Variants in TBRG4 observed in about 807,000 individuals in gnomAD.
TBRG4 encodes the protein FAST kinase domain-containing protein 4.
A neutral mutation model predicts 65.6 loss-of-function variants in TBRG4; 43 were observed. The observed-to-expected ratio is 0.66, with a 90% confidence interval of 0.51 to 0.85. The LOEUF is 0.85. Ranked by LOEUF, TBRG4 falls within the 40% of genes least tolerant of loss-of-function variation. TBRG4 has a pLI of 0.00. For synonymous variants in TBRG4, 366 were observed against 341.4 expected (o/e 1.07, Z -0.79); for missense variants, 709 against 787.9 (o/e 0.90, Z 1.20).
chr7:45,106,289 G>T, intron 2 of TBRG4: 1 of 315,980 alleles, frequency 3.2e-6, no homozygotes, highest in South Asian at 2.6e-5. Flanking sequence ...ATGAAGTTTT[G>T]ACCTAATGTA....
chr7:45,103,662 T>C (rs1784842165), intron 5 of TBRG4: 4 of 570,344 alleles, frequency 7.0e-6, no homozygotes, highest in Non-Finnish European at 6.2e-6. Context: ...TGGGGACACC[T>C]AGAAGCTGCT....
chr7:45,102,321 A>C (rs997622705), intron 7 of TBRG4, 26 bp downstream of exon 7: 3 of 1,613,608 alleles, frequency 1.9e-6, no homozygotes. Flanking sequence ...TCCCAGTTCC[A>C]GTAGTACTAG....
chr7:45,103,250 G>T, intron 6 of TBRG4, 83 bp downstream of exon 6: 2 of 1,154,794 alleles, frequency 1.7e-6, no homozygotes, highest in South Asian at 1.3e-5. Flanking sequence ...CACCTAGCCC[G>T]AGCTGATCTT....
rs1367738284 is a variant in TBRG4 at position 45,105,697 on chromosome 7, T to A, written c.479A>T (p.Lys160Met). Residue 160 changes from lysine (K) to methionine (M), a missense_variant, in exon 3 of 11, where the codon AAG becomes ATG. Physicochemically the swap from Lys to Met is moderately conservative, Grantham distance 95 (BLOSUM62 -1). Coordinates refer to ENST00000258770, the MANE Select transcript of TBRG4 (RefSeq NM_004749.4). ...LGSLYALGIP[K>M]ASKELQSVEQ... ...CACCGACTGCAGCTCCTTGGAGGCC[T>A]TGGGGATGCCCAGAGCATACAGGCT... is the stretch of plus-strand genomic sequence containing the variant. 3.1e-6 allele frequency: 5 copies of A among 1,613,896 alleles called. No homozygotes were observed. Among genetic ancestry groups the A allele is most frequent in the Non-Finnish European group, 4.2e-6 (5 of 1,180,046 alleles).
intron 2 of TBRG4, 62 bp from the exon 3 acceptor site, chr7:45,105,826 A>G: frequency 6.5e-7 from 1 of 1,536,226 alleles, no homozygotes; most frequent in Non-Finnish European, 8.8e-7. Context: ...TGTGAGCTGG[A>G]GGCTACCTCT....
At chr7:45,107,885 G>C (rs747746903) in intron 2 of TBRG4, 5 of 152,538 alleles carry the variant, frequency 3.3e-5, no homozygotes, top group Admixed American at 2.6e-4. Flanking sequence ...TCCCCAGCAA[G>C]AAATAATTAT....
In TBRG4 at chr7:45,102,489, T is replaced by C. The variant is rs1784799600; in HGVS notation, c.1179A>G (p.Val393=). The change falls in exon 7 of 11, where the codon GTA becomes GTG. Residue 393 remains valine (V), a splice_region_variant and synonymous_variant. Transcript: ENST00000258770. ...GCAGCTCTGACCCCAGCTTCTCATG[T>C]ACCTGGGCAAGGATAGAGTGTGGTG... ...PDQEDQFFSL[V]HEKLGSELPG... is the part of the protein sequence containing the mutation. 1 of 1,609,236 alleles carries C rather than the reference T, an allele frequency of 6.2e-7. No individual in the cohort carries two copies. Among genetic ancestry groups the C allele is most frequent in the Non-Finnish European group, 8.5e-7 (1 of 1,179,830 alleles).
intron 1 of TBRG4, among the ~76,000 whole-genome samples, chr7:45,109,748 G>A (rs996293466): frequency 6.6e-6 from 1 of 151,890 alleles, no homozygotes; most frequent in African/African-American, 2.4e-5. Context: ...AGGCCTAGGC[G>A]GGTGGATCAC....
chr7:45,100,433 G>A lies in TBRG4; in HGVS notation c.1795-7C>T. On this transcript the variant is annotated splice_polypyrimidine_tract_variant and splice_region_variant and intron_variant, in intron 10 of 10. Coordinates refer to ENST00000258770, the MANE Select transcript of TBRG4 (RefSeq NM_004749.4). ...GCCACTCATAGAATGGGACCTAGAA[G>A]GAGGCAGGGGAGACAGGTCACATGG... The A allele has an allele frequency of 6.2e-7, 1 of 1,610,882 alleles. No individual in the cohort carries two copies. The highest frequency in any genetic ancestry group is 8.5e-7 in the Non-Finnish European group (1 of 1,177,156).
At position 45,101,168 on chromosome 7, in the gene TBRG4, T is replaced by C; in HGVS notation, c.1794+90A>G. ...GGGCCACGGGCAGGGCATGTGTCTATACCTGCTGGCTCAGTTCCACCTGAT... is the reference window on the plus strand; with the variant it reads ...GGGCCACGGGCAGGGCATGTGTCTACACCTGCTGGCTCAGTTCCACCTGAT... On this transcript the variant is annotated intron_variant, in intron 10 of 10. Transcript: ENST00000258770. 3.0e-6 allele frequency: 4 copies of C among 1,330,268 alleles called. No homozygotes were observed. The South Asian group carries it at 5.3e-5, about 18-fold the overall frequency. 82.4% of individuals were successfully genotyped at this position (1,330,268 alleles called of 1,614,324 possible). A position where few individuals can be genotyped will look rare whatever the true frequency, so the allele number is the denominator to read the frequency against.
chr7:45,104,816 CCT>C (rs1342158839), intron 3 of TBRG4, 107 bp from the exon 4 acceptor site: 17 of 1,501,744 alleles, frequency 1.1e-5, no homozygotes, highest in African/African-American at 5.5e-5. Context: ...TGTGACAGCC[CCT>C]GTCAGACTGG....
In TBRG4 at chr7:45,101,500, T is replaced by A; in HGVS notation, c.1679+3A>T. ...CATGGCCAACAGGTCCCTGGCCACC[T>A]ACCTCTTAGACCCTGGAGGTGGTGA... On this transcript the variant is annotated splice_donor_region_variant and intron_variant, in intron 9 of 10. Coordinates refer to ENST00000258770, the MANE Select transcript of TBRG4 (RefSeq NM_004749.4). The A allele has an allele frequency of 6.2e-7, 1 of 1,612,742 alleles. No homozygotes were observed. The highest frequency in any genetic ancestry group is 8.5e-7 in the Non-Finnish European group (1 of 1,179,362).
intron 1 of TBRG4, 70 bp downstream of exon 1, chr7:45,111,573 C>A: frequency 7.8e-7 from 1 of 1,287,128 alleles, no homozygotes; most frequent in Non-Finnish European, 1.0e-6. Flanking sequence ...AGGACCTTCC[C>A]AGCCACGCCT....
chr7:45,105,652 C>T lies in TBRG4; in HGVS notation c.524G>A (p.Arg175His), dbSNP rs765139663. The change falls in exon 3 of 11, where the codon CGC (arginine) becomes CAC (histidine). Residue 175 changes from arginine (R) to histidine (H), a missense_variant. By Grantham distance (29) the Arg-to-His change is conservative. Coordinates refer to ENST00000258770, the MANE Select transcript of TBRG4 (RefSeq NM_004749.4). ...GTGCTTGTACTTGAGCTTCCGCATG[C>T]GCCAGCGGACCTCCTGCTCCACCGA... ...LQSVEQEVRW[R>H]MRKLKYKHLA... is the part of the protein sequence containing the mutation. The T allele has an allele frequency of 1.5e-5, 25 of 1,613,954 alleles. No individual in the cohort carries two copies. Among genetic ancestry groups the T allele is most frequent in the East Asian group, 4.5e-5 (2 of 44,886 alleles).
intron 2 of TBRG4, chr7:45,106,851 A>G (rs906014969): frequency 6.6e-6 from 1 of 152,216 alleles, no homozygotes; most frequent in Admixed American, 6.5e-5. Context: ...TCCAACCCCT[A>G]AACTGTTCTC....
In TBRG4 at chr7:45,109,155, C is replaced by A. The variant is rs756085770; in HGVS notation, c.83G>T (p.Arg28Leu). ...RQAPAMAPVG[R>L]LRLAWVAHKT... ...ATGGGCTACCCAGGCAAGTCTCAGT[C>A]GGCCAACTGGAGCCATGGCAGGGGC... Residue 28 changes from arginine to leucine, a missense_variant, in exon 2 of 11, where the codon CGA (arginine) becomes CTA (leucine). Physicochemically the swap from Arg to Leu is moderately radical, Grantham distance 102. Coordinates refer to ENST00000258770, the MANE Select transcript of TBRG4 (RefSeq NM_004749.4). 20 of 1,614,068 alleles carry A rather than the reference C, an allele frequency of 1.2e-5. No individual in the cohort carries two copies. The South Asian group carries it at 2.0e-4, about 16-fold the overall frequency.
In TBRG4 at chr7:45,102,409, TGCAGCACACACAGG is replaced by T; in HGVS notation, c.1245_1258del (p.Leu416AlafsTer14). 6.2e-7 allele frequency: 1 copy of T among 1,614,026 alleles called. No homozygotes were observed. Among genetic ancestry groups the T allele is most frequent in the Non-Finnish European group, 8.5e-7 (1 of 1,180,016 alleles). The stretch of plus-strand genomic sequence containing the variant: ...TTGCAGCTCTGCTTCCCGTGCCTGC[TGCAGCACACACAGG>T]GCCCACACCAGGTCCACCTGCAGGG... On this transcript the variant is annotated frameshift_variant, in exon 7 of 11. Coordinates refer to ENST00000258770, the MANE Select transcript of TBRG4 (RefSeq NM_004749.4). LOFTEE classifies it high-confidence loss of function.
chr7:45,102,543 A>C (rs769806089), intron 6 of TBRG4, 52 bp from the exon 7 acceptor site: 1 of 1,585,376 alleles, frequency 6.3e-7, no homozygotes, highest in East Asian at 2.2e-5. Flanking sequence ...TAGGGGCTGC[A>C]AATAGCCATG....
chr7:45,102,857 ATGAGAGC>A (rs1235272897), intron 6 of TBRG4, among the ~76,000 whole-genome samples: 1 of 152,180 alleles, frequency 6.6e-6, no homozygotes, highest in Non-Finnish European at 1.5e-5. Context: ...CCTCTGAGAG[ATGAGAGC>A]ATCCAAGAGG....
Sources: allele counts gnomAD v4.1 joint callset (sites outside exome capture counted in the v4.1 genomes callset), GRCh38; gene constraint gnomAD v4.1.1; transcripts MANE v1.5; gene names NCBI Gene and HGNC (gene_info 2026-07-23, HGNC 2026-07-21).